The following CSMD1 variants were observed in gnomAD, a reference collection of about 807,000 sequenced individuals.
CSMD1 encodes CUB and Sushi multiple domains 1, also known as CUB and sushi domain-containing protein 1.
CSMD1 carries 213 observed loss-of-function variants against 417.5 expected under a neutral mutation model. The observed-to-expected ratio is 0.51, with a 90% CI of 0.46 to 0.57. The LOEUF (loss-of-function observed/expected upper bound fraction) is 0.57. Ranked by LOEUF, CSMD1 falls within the 20% of genes least tolerant of loss-of-function variation. The pLI is 0.00. For synonymous variants in CSMD1, 2,862 were observed against 1,736.8 expected (o/e 1.65, Z -16.11); for missense variants, 6,923 against 4,529.7 (o/e 1.53, Z -15.17).
At chr8:4,433,908 T>A (rs1421764425) in intron 2 of CSMD1, among the ~76,000 whole-genome samples, 3 of 152,120 alleles carry the variant, frequency 2.0e-5, no homozygotes, top group Non-Finnish European at 2.9e-5. Flanking sequence ...AAAGTCAGGA[T>A]AAGAACACAG....
chr8:3,978,037 C>G (rs1252215094), intron 5 of CSMD1, among the ~76,000 whole-genome samples: 2 of 152,160 alleles, frequency 1.3e-5, no homozygotes, highest in African/African-American at 2.4e-5. Flanking sequence ...TTGTCCATCT[C>G]ATAGCTTCCT....
At chr8:3,855,759 G>C (rs945943636) in intron 5 of CSMD1, among the ~76,000 whole-genome samples, 1 of 152,150 alleles carries the variant, frequency 6.6e-6, no homozygotes, top group Admixed American at 6.5e-5. Flanking sequence ...TGAAATCCTA[G>C]AGTCTGCTGA....
In CSMD1 at chr8:4,938,163, T is replaced by C. The variant is rs75498722; in HGVS notation, c.85+56169A>G. ...GCACTGATGTCAGAACATAATAGAG[T>C]TGGGGAAATATAGAAATAGTCAGAA... is the stretch of plus-strand genomic sequence containing the variant. On this transcript the variant is annotated intron_variant, in intron 1 of 69. Transcript: ENST00000635120. Among the ~76,000 whole-genome samples the C allele has an allele frequency of 1.5e-3, 228 of 152,116 alleles. 7 individuals are homozygous for C. In the East Asian group the frequency reaches 0.017, roughly 12 times the overall value.
chr8:4,598,709 G>A (rs903244318), intron 2 of CSMD1, among the ~76,000 whole-genome samples: 15 of 152,164 alleles, frequency 9.9e-5, no homozygotes, highest in African/African-American at 3.6e-4. Context: ...ATTAATTAGT[G>A]CCAGTGTGGG....
At chr8:3,199,941 T>C in intron 32 of CSMD1, 132 bp from the exon 33 acceptor site, 1 of 594,756 alleles carries the variant, frequency 1.7e-6, no homozygotes, top group South Asian at 2.1e-5. Flanking sequence ...CACTTTATGG[T>C]TTAAAACTCA....
chr8:3,726,081 C>G (rs545254569), intron 6 of CSMD1, among the ~76,000 whole-genome samples: 3 of 152,236 alleles, frequency 2.0e-5, no homozygotes, highest in African/African-American at 7.2e-5. Context: ...CATGAGGGTA[C>G]TCAAGCAGCC....
intron 3 of CSMD1, among the ~76,000 whole-genome samples, chr8:4,409,375 A>G (rs981745926): frequency 6.6e-6 from 1 of 152,192 alleles, no homozygotes; most frequent in Non-Finnish European, 1.5e-5. Context: ...TCAGACTAAC[A>G]AAAGATAATT....
At chr8:3,796,411 ATATC>A (rs879936289) in intron 5 of CSMD1, among the ~76,000 whole-genome samples, 13,171 of 60,950 alleles carry the variant, frequency 0.22, 3,264 homozygotes, top group Non-Finnish European at 0.3. Context: ...ATATAGATAT[ATATC>A]TATCATGTAT....
At chr8:3,733,069 G>A (rs1429226576) in intron 6 of CSMD1, among the ~76,000 whole-genome samples, 3 of 151,548 alleles carry the variant, frequency 2.0e-5, no homozygotes, top group Admixed American at 2.0e-4. Context: ...CTGCTGATTG[G>A]TTTTATAAAA....
At chr8:3,746,171 A>G (rs934073557) in intron 6 of CSMD1, among the ~76,000 whole-genome samples, 5 of 152,250 alleles carry the variant, frequency 3.3e-5, no homozygotes, top group African/African-American at 9.6e-5. Flanking sequence ...CTCAGGGCTG[A>G]TACGCTGAAA....
At chr8:4,412,224 G>A (rs1019483072) in intron 3 of CSMD1, among the ~76,000 whole-genome samples, 3 of 152,102 alleles carry the variant, frequency 2.0e-5, no homozygotes, top group Admixed American at 2.0e-4. Context: ...AGTATTGGAG[G>A]TAGGGCCTGG....
intron 7 of CSMD1, among the ~76,000 whole-genome samples, chr8:3,622,026 G>A (rs1039721325): frequency 6.8e-6 from 1 of 147,834 alleles, no homozygotes; most frequent in South Asian, 2.1e-4. Context: ...TGTTTGAATA[G>A]GTCTGTATTT....
intron 7 of CSMD1, among the ~76,000 whole-genome samples, chr8:3,645,237 G>A (rs968340351): frequency 6.6e-6 from 1 of 152,152 alleles, no homozygotes; most frequent in Non-Finnish European, 1.5e-5. Context: ...GACCTCTCTA[G>A]ACCAACCATG....
At chr8:3,470,901 A>C (rs1417404343) in intron 11 of CSMD1, among the ~76,000 whole-genome samples, 1 of 152,200 alleles carries the variant, frequency 6.6e-6, no homozygotes, top group Non-Finnish European at 1.5e-5. Context: ...GATATACCAC[A>C]GCTTGCTTAA....
chr8:4,890,948 G>C (rs1455114621), intron 1 of CSMD1, among the ~76,000 whole-genome samples: 1 of 152,118 alleles, frequency 6.6e-6, no homozygotes, highest in African/African-American at 2.4e-5. Context: ...GAGAATCCAA[G>C]GGAAAGTATT....
At chr8:3,238,457 G>A (rs777524140) in intron 26 of CSMD1, among the ~76,000 whole-genome samples, 11 of 152,060 alleles carry the variant, frequency 7.2e-5, no homozygotes, top group Non-Finnish European at 1.3e-4. Flanking sequence ...GTTGTAAAGT[G>A]CTGGGACGGC....
intron 7 of CSMD1, among the ~76,000 whole-genome samples, chr8:3,643,289 G>C (rs1368600000): frequency 6.6e-6 from 1 of 152,056 alleles, no homozygotes; most frequent in Non-Finnish European, 1.5e-5. Context: ...GAACTGGATG[G>C]AAAGGAGGGA....
At chr8:4,150,824 G>A (rs949879140) in intron 3 of CSMD1, among the ~76,000 whole-genome samples, 13 of 151,928 alleles carry the variant, frequency 8.6e-5, no homozygotes, top group Non-Finnish European at 2.9e-5. Context: ...GAGAAGACAG[G>A]GAGGGACAGA....
intron 3 of CSMD1, among the ~76,000 whole-genome samples, chr8:4,107,739 G>T (rs1429254046): frequency 6.6e-6 from 1 of 152,114 alleles, no homozygotes. Flanking sequence ...TTAAAGGGAG[G>T]GACGCTGCGG....
Sources: allele counts gnomAD v4.1 joint callset (sites outside exome capture counted in the v4.1 genomes callset), GRCh38; gene constraint gnomAD v4.1.1; transcripts MANE v1.5; gene names NCBI Gene and HGNC (gene_info 2026-07-23, HGNC 2026-07-21).